Variants in PDE4C observed in about 807,000 individuals in gnomAD.
PDE4C encodes the protein 3',5'-cyclic-AMP phosphodiesterase 4C.
Under a neutral mutation model 63.9 loss-of-function variants are expected in PDE4C, and 50 were observed. That is an observed-to-expected ratio of 0.78 (90% CI 0.62 to 0.99). PDE4C has a LOEUF of 0.99. Ranked by LOEUF, PDE4C falls within the 50% of genes least tolerant of loss-of-function variation. The pLI, the probability that PDE4C is intolerant of heterozygous loss-of-function variation, is 0.00. For synonymous variants in PDE4C, 377 were observed against 385.1 expected (o/e 0.98, Z 0.25); for missense variants, 777 against 899.1 (o/e 0.86, Z 1.74).
chr19:18,221,925 C>T (rs767933320), intron 2 of PDE4C, among the ~76,000 whole-genome samples: 10 of 152,156 alleles, frequency 6.6e-5, no homozygotes, highest in South Asian at 2.1e-4. Flanking sequence ...CGTGCCCGGC[C>T]GACCTTAATG....
At chr19:18,250,509 T>C (rs1969218807), upstream of PDE4C, 3 of 398,344 alleles carry the variant, frequency 7.5e-6, no homozygotes, top group Admixed American at 8.8e-5. Context: ...CTGGGTCCTA[T>C]TCCCCACAAG....
chr19:18,234,713 G>A (rs999545568), upstream of PDE4C, among the ~76,000 whole-genome samples: 3 of 152,108 alleles, frequency 2.0e-5, no homozygotes, highest in African/African-American at 7.2e-5. Context: ...ACTCAACAAG[G>A]TCTTTCCCAT....
chr19:18,220,761 G>A lies in PDE4C; in HGVS notation c.499+113C>T, dbSNP rs1189826354. The A allele has an allele frequency of 9.3e-7, 1 of 1,073,704 alleles. No individual in the cohort carries two copies. The highest frequency in any genetic ancestry group is 1.3e-5 in the South Asian group (1 of 74,754). 66.5% of individuals were successfully genotyped at this position (1,073,704 alleles called of 1,614,324 possible). The stretch of plus-strand genomic sequence containing the variant: ...CCCCGAGGGCGTTATTGTTTTTGCA[G>A]GGGCGGGGCTACAATTAGCCCCAGT... On this transcript the variant is annotated intron_variant, in intron 5 of 14. Coordinates refer to ENST00000262805, the Ensembl canonical transcript of PDE4C. This position sits in a 1 kb window ranked among gnomAD's most constrained non-coding sequence, Gnocchi z 5.1.
chr19:18,218,492 C>T, exon 10 of PDE4C: 1 of 1,614,166 alleles, frequency 6.2e-7, no homozygotes. Context: ...TTCAGCAGGT[C>T]CCGCTCCTGG....
intron 1 of PDE4C, among the ~76,000 whole-genome samples, chr19:18,242,784 T>G (rs1054909398): frequency 2.2e-5 from 1 of 44,894 alleles, no homozygotes; most frequent in African/African-American, 1.0e-4. Flanking sequence ...GACTTTCACC[T>G]CAAAAAAAAA....
intron 1 of PDE4C, among the ~76,000 whole-genome samples, chr19:18,244,581 T>A (rs1387840434): frequency 6.6e-6 from 1 of 151,992 alleles, no homozygotes; most frequent in Admixed American, 6.6e-5. Flanking sequence ...GACGCGATCT[T>A]GGCTCACCGC....
At chr19:18,230,381 G>A (rs1459672512), upstream of PDE4C, among the ~76,000 whole-genome samples, 3 of 152,184 alleles carry the variant, frequency 2.0e-5, no homozygotes, top group Non-Finnish European at 2.9e-5. Context: ...GTGGGCACCT[G>A]TAATCCCAGC....
At chr19:18,246,606 A>T (rs888666) in intron 1 of PDE4C, among the ~76,000 whole-genome samples, 114,400 of 152,012 alleles carry the variant, frequency 0.75, 44,152 homozygotes, top group African/African-American at 0.92. Context: ...TTCCACACAA[A>T]GTTAGCCCAG....
At chr19:18,215,975 G>A (rs1394327074) in intron 12 of PDE4C, among the ~76,000 whole-genome samples, 1 of 151,594 alleles carries the variant, frequency 6.6e-6, no homozygotes, top group East Asian at 1.9e-4. Context: ...GATCACAGGT[G>A]CCCGCCACCA....
chr19:18,217,065 G>GGAA, intron 11 of PDE4C, 170 bp from the exon 12 acceptor site: 1 of 656,598 alleles, frequency 1.5e-6, no homozygotes, highest in Non-Finnish European at 2.5e-6. Context: ...CTGACTGCAG[G>GGAA]GCTAGGGTTG....
chr19:18,218,914 T>C (rs777097120), intron 9 of PDE4C, 26 bp downstream of exon 9: 9 of 1,558,384 alleles, frequency 5.8e-6, no homozygotes, highest in South Asian at 4.4e-5. Flanking sequence ...GAGTTTTTCC[T>C]TGGAAGCCAA....
At chr19:18,219,105 C>G in intron 8 of PDE4C, 67 bp from the exon 9 acceptor site, 4 of 1,573,584 alleles carry the variant, frequency 2.5e-6, no homozygotes, top group Non-Finnish European at 3.5e-6. Context: ...GAGCCTCCAT[C>G]CTCCCACCCC....
chr19:18,211,725 A>T (rs1190567217), intron 14 of PDE4C, 34 bp downstream of exon 14: 2 of 1,609,842 alleles, frequency 1.2e-6, no homozygotes, highest in Non-Finnish European at 1.7e-6. Context: ...ACTTCCTCCC[A>T]GTGTCTACCG....
At chr19:18,221,868 C>T (rs955064743) in intron 2 of PDE4C, among the ~76,000 whole-genome samples, 5 of 152,098 alleles carry the variant, frequency 3.3e-5, no homozygotes, top group Admixed American at 6.6e-5. Context: ...TCAGGTGATC[C>T]GCCCACCTCG....
At chr19:18,214,430 C>A (rs1326838292) in intron 12 of PDE4C, among the ~76,000 whole-genome samples, 2 of 151,722 alleles carry the variant, frequency 1.3e-5, no homozygotes, top group African/African-American at 2.4e-5. Context: ...TGGGAGGGAA[C>A]TAAAAGAGGT....
intron 12 of PDE4C, 58 bp from the exon 13 acceptor site, chr19:18,213,548 C>T (rs1340213877): frequency 2.6e-6 from 4 of 1,547,838 alleles, no homozygotes; most frequent in East Asian, 2.4e-5. Context: ...CCAACCCTCA[C>T]TCCCAACTCC....
chr19:18,248,021 C>G (rs1042091682), intron 1 of PDE4C: 6 of 359,526 alleles, frequency 1.7e-5, no homozygotes, highest in Non-Finnish European at 3.4e-5. Flanking sequence ...AACAAGGTCT[C>G]CTGGCCCCAG....
upstream of PDE4C, among the ~76,000 whole-genome samples, chr19:18,227,056 G>GC (rs200667505): frequency 0.016 from 2,400 of 152,188 alleles, 68 homozygotes; most frequent in African/African-American, 0.055. Flanking sequence ...GGTGCCCAGA[G>GC]AAACAGCTGT....
Position 18,223,203 on chromosome 19 carries a change from C to T in PDE4C, c.147-880G>A, listed in dbSNP as rs573773746. On this transcript the variant is annotated intron_variant, in intron 1 of 14. Transcript: ENST00000262805. ...GATTACAGGTGCGCACCACCACGCCCGGCTAATTTTTTTTTTTTTTTTTTG... is the reference window on the plus strand; with the variant it reads ...GATTACAGGTGCGCACCACCACGCCTGGCTAATTTTTTTTTTTTTTTTTTG... 1.3e-3 allele frequency among the ~76,000 whole-genome samples: 185 copies of T among 138,230 alleles called. 1 individual carries two copies. Among genetic ancestry groups the T allele is most frequent in the African/African-American group, 4.5e-3 (172 of 38,110 alleles). 90.7% of individuals were successfully genotyped at this position (138,230 alleles called of 152,430 possible).
Sources: gnomAD v4.1 joint callset for allele counts (sites outside exome capture counted in the v4.1 genomes callset) on GRCh38, gnomAD v4.1.1 for gene constraint, Gnocchi (gnomAD v3.1) non-coding constraint, MANE v1.5 for transcripts, NCBI Gene and HGNC (gene_info 2026-07-23, HGNC 2026-07-21) for gene names.